Variants in CACNA2D2 observed in about 807,000 individuals in gnomAD.
The protein encoded by CACNA2D2 is calcium voltage-gated channel auxiliary subunit alpha2delta 2.
A neutral mutation model predicts 166.4 loss-of-function variants in CACNA2D2; 48 were observed. The observed-to-expected ratio is 0.29, with a 90% CI of 0.23 to 0.37. CACNA2D2 has a LOEUF of 0.37. Ranked by LOEUF, CACNA2D2 falls within the 10% of genes least tolerant of loss-of-function variation. The pLI is 1.00. For missense variants in CACNA2D2, 1,122 were observed against 1,433.0 expected (o/e 0.78, Z 3.50); for synonymous variants, 561 against 573.7 (o/e 0.98, Z 0.32).
intron 2 of CACNA2D2, 107 bp from the exon 3 acceptor site, chr3:50,434,536 C>T: frequency 1.3e-6 from 1 of 793,502 alleles, no homozygotes; most frequent in African/African-American, 1.7e-5. Context: ...TATTCACCCG[C>T]ACCCAGACCC....
chr3:50,451,058 T>C (rs544332110), intron 2 of CACNA2D2, among the ~76,000 whole-genome samples: 2 of 152,296 alleles, frequency 1.3e-5, no homozygotes, highest in South Asian at 4.1e-4. Context: ...TCCACCCCAA[T>C]GGCCCTTAGT....
intron 3 of CACNA2D2, among the ~76,000 whole-genome samples, chr3:50,415,479 C>T (rs1416142390): frequency 1.3e-5 from 2 of 152,184 alleles, no homozygotes; most frequent in African/African-American, 4.8e-5. Context: ...CTATGAGAGC[C>T]GCTGAAGATC....
rs868330206 is a variant in CACNA2D2 at position 50,491,184 on chromosome 3, G to A, written c.206+12034C>T. Among the ~76,000 whole-genome samples the A allele has an allele frequency of 1.1e-4, 17 of 152,328 alleles. 1 individual carries two copies. The highest frequency in any genetic ancestry group is 1.0e-3 in the South Asian group (5 of 4,822). On this transcript the variant is annotated intron_variant, in intron 1 of 37. Transcript: ENST00000424201. The stretch of plus-strand genomic sequence containing the variant: ...CCTTGCTGAGGTCTCCACAAGCACC[G>A]GTTACAGGAAAGGACAGAACAGAGA...
chr3:50,430,321 CA>C (rs1469170683), intron 3 of CACNA2D2, among the ~76,000 whole-genome samples: 2 of 152,208 alleles, frequency 1.3e-5, no homozygotes, highest in Non-Finnish European at 2.9e-5. Flanking sequence ...TAATCCTGGG[CA>C]GTACCTTCCC....
chr3:50,418,848 A>AT (rs1309236857), intron 3 of CACNA2D2, among the ~76,000 whole-genome samples: 1 of 152,060 alleles, frequency 6.6e-6, no homozygotes, highest in Non-Finnish European at 1.5e-5. Flanking sequence ...CATGGCTGGG[A>AT]TTTTGAGTCC....
At chr3:50,404,251 G>A (rs890398580) in intron 3 of CACNA2D2, among the ~76,000 whole-genome samples, 4 of 152,192 alleles carry the variant, frequency 2.6e-5, no homozygotes, top group African/African-American at 9.7e-5. Flanking sequence ...AGGCCTCACT[G>A]TGTTCTCCAC....
At chr3:50,503,687 G>C (rs1021428592), upstream of CACNA2D2, 16 of 154,196 alleles carry the variant, frequency 1.0e-4, no homozygotes, top group African/African-American at 3.1e-4. Context: ...CAACCTGCCG[G>C]CACCGCCCTC....
At chr3:50,399,091 G>A (rs1706307342) in intron 3 of CACNA2D2, among the ~76,000 whole-genome samples, 1 of 152,176 alleles carries the variant, frequency 6.6e-6, no homozygotes, top group Non-Finnish European at 1.5e-5. Context: ...TGCCAGGAGG[G>A]GAGGGCCTTG....
At chr3:50,442,994 G>A (rs573602846) in intron 2 of CACNA2D2, among the ~76,000 whole-genome samples, 3 of 152,266 alleles carry the variant, frequency 2.0e-5, no homozygotes, top group African/African-American at 4.8e-5. Context: ...GAATAGCATC[G>A]GGTGGGGAAT....
chr3:50,487,395 C>G (rs1343514653), intron 1 of CACNA2D2, among the ~76,000 whole-genome samples: 1 of 152,216 alleles, frequency 6.6e-6, no homozygotes, highest in Non-Finnish European at 1.5e-5. Flanking sequence ...CAGGGCAGAG[C>G]CCCAGCTCCC....
chr3:50,379,605 G>T lies in CACNA2D2; in HGVS notation c.994-15C>A. 2.5e-6 allele frequency: 4 copies of T among 1,613,556 alleles called. No homozygotes were observed. The highest frequency in any genetic ancestry group is 3.4e-6 in the Non-Finnish European group (4 of 1,179,770). The stretch of plus-strand genomic sequence containing the variant: ...TTCTCGTTGAACTGCAGGAACAGTA[G>T]GGTGGTGAGTGGCCTCAGGCTGGCC... On this transcript the variant is annotated splice_polypyrimidine_tract_variant and intron_variant, in intron 10 of 37. Transcript: ENST00000424201. The surrounding 1 kb of genome is among the most constrained non-coding windows in gnomAD (Gnocchi z 6.5).
Position 50,378,908 on chromosome 3 carries a change from G to C in CACNA2D2, c.1339+7C>G. The C allele has an allele frequency of 6.2e-7, 1 of 1,613,688 alleles. No homozygotes were observed. The highest frequency in any genetic ancestry group is 8.5e-7 in the Non-Finnish European group (1 of 1,180,020). ...AGGCCCCTGACAGTGATGCGCAGGG[G>C]AGGTACCTTTGTTGGCACAGGCCAT... is the stretch of plus-strand genomic sequence containing the variant. On this transcript the variant is annotated splice_region_variant and intron_variant, in intron 13 of 37. Coordinates refer to ENST00000424201, the MANE Select transcript of CACNA2D2 (RefSeq NM_006030.4).
chr3:50,477,256 CATCTCAGCTTCCTTCTCTGGA>C (rs1287373240), intron 1 of CACNA2D2, among the ~76,000 whole-genome samples: 1 of 152,214 alleles, frequency 6.6e-6, no homozygotes, highest in African/African-American at 2.4e-5. Context: ...AACCCATTTC[CATCTCAGCTTCCTTCTCTGGA>C]ATACGGGGAT....
At chr3:50,400,619 G>A (rs1706400850) in intron 3 of CACNA2D2, among the ~76,000 whole-genome samples, 2 of 152,222 alleles carry the variant, frequency 1.3e-5, no homozygotes, top group African/African-American at 2.4e-5. Context: ...AGTGAGGGCC[G>A]AGCAGGGTCC....
Position 50,423,077 on chromosome 3 carries a change from C to T in CACNA2D2, c.405+11236G>A, listed in dbSNP as rs182553106. On this transcript the variant is annotated intron_variant, in intron 3 of 37. Transcript: ENST00000424201. ...CTGCCCCTCAGTGCCAGTCACCAAC[C>T]AAAGCTGCTCATTTCTGCCCTCCCC... is the stretch of plus-strand genomic sequence containing the variant. Among the ~76,000 whole-genome samples, 447 of 152,314 alleles carry T rather than the reference C, an allele frequency of 2.9e-3. 3 individuals carry two copies. Among genetic ancestry groups the T allele is most frequent in the African/African-American group, 1.0e-2 (414 of 41,564 alleles).
chr3:50,447,946 G>A (rs1575701456), intron 2 of CACNA2D2, among the ~76,000 whole-genome samples: 1 of 152,010 alleles, frequency 6.6e-6, no homozygotes, highest in East Asian at 1.9e-4. Flanking sequence ...TCCTTTTTAG[G>A]CCCCAGAACA....
At chr3:50,421,622 C>T (rs930572667) in intron 3 of CACNA2D2, among the ~76,000 whole-genome samples, 6 of 152,164 alleles carry the variant, frequency 3.9e-5, no homozygotes, top group African/African-American at 1.4e-4. Context: ...AACTCTTCAG[C>T]CCTTGGTACT....
chr3:50,367,162 C>G lies in CACNA2D2; in HGVS notation c.2402-53G>C. The G allele has an allele frequency of 7.2e-7, 1 of 1,381,706 alleles. No homozygotes were observed. The highest frequency in any genetic ancestry group is 1.0e-6 in the Non-Finnish European group (1 of 978,928). 85.6% of individuals were successfully genotyped at this position (1,381,706 alleles called of 1,614,324 possible). On this transcript the variant is annotated intron_variant, in intron 27 of 37. Coordinates refer to ENST00000424201, the MANE Select transcript of CACNA2D2 (RefSeq NM_006030.4). The surrounding 1 kb of genome is among the most constrained non-coding windows in gnomAD (Gnocchi z 6.5). Reference sequence around the variant, plus strand: ...TGGGGTCTGGCGGCCACACTGACCACTCTATGCTGGGTCCTACAAACCCAG... The same window carrying G: ...TGGGGTCTGGCGGCCACACTGACCAGTCTATGCTGGGTCCTACAAACCCAG...
chr3:50,422,922 G>T (rs934941585), intron 3 of CACNA2D2, among the ~76,000 whole-genome samples: 1 of 152,214 alleles, frequency 6.6e-6, no homozygotes, highest in African/African-American at 2.4e-5. Flanking sequence ...GCTCTGCTAC[G>T]CGGCCAACAG....
Sources: allele counts gnomAD v4.1 joint callset (sites outside exome capture counted in the v4.1 genomes callset), GRCh38; gene constraint gnomAD v4.1.1; non-coding constraint Gnocchi (gnomAD v3.1); transcripts MANE v1.5; gene names NCBI Gene and HGNC (gene_info 2026-07-23, HGNC 2026-07-21).